Variants in SLC17A9 observed in about 807,000 individuals in gnomAD.
SLC17A9 encodes the protein voltage-gated purine nucleotide uniporter SLC17A9.
In SLC17A9, 49 loss-of-function variants were observed where a neutral mutation model predicts 55.0. The ratio of observed to expected loss-of-function variants is 0.89; its 90% CI spans 0.71 to 1.13. SLC17A9 has a LOEUF of 1.13. Ranked by LOEUF, SLC17A9 falls within the 50% of genes most tolerant of loss-of-function variation. The pLI is 0.00. For synonymous variants in SLC17A9, 256 were observed against 247.4 expected, an observed-to-expected ratio of 1.03 and a Z score of -0.32; for missense variants, 526 against 569.3, an observed-to-expected ratio of 0.92 and a Z score of 0.77.
In SLC17A9 at chr20:62,957,729, C is replaced by G. The variant is rs1277858276; in HGVS notation, c.397+149C>G. ...GGGCATGCCCGCGTGCATGCGTGCA[C>G]CTGTGTGTGTGTGCGTGTGTAAGTG... On this transcript the variant is annotated intron_variant, in intron 3 of 12. Coordinates refer to ENST00000370351, the MANE Select transcript of SLC17A9 (RefSeq NM_022082.4). 1.5e-5 allele frequency: 9 copies of G among 618,176 alleles called. No homozygotes were observed. In the African/African-American group the frequency reaches 1.7e-4, roughly 12 times the overall value. 38.3% of individuals were successfully genotyped at this position (618,176 alleles called of 1,614,324 possible). A position where few individuals can be genotyped will look rare whatever the true frequency, so the allele number is the denominator to read the frequency against.
At chr20:62,956,408 C>T (rs1038290727) in intron 1 of SLC17A9, among the ~76,000 whole-genome samples, 6 of 152,074 alleles carry the variant, frequency 3.9e-5, no homozygotes, top group Admixed American at 2.0e-4. Context: ...CTCCAGTGTC[C>T]GACTCCTCTG....
At chr20:62,966,941 C>T in intron 12 of SLC17A9, 1 of 621,140 alleles carries the variant, frequency 1.6e-6, no homozygotes, top group Non-Finnish European at 2.7e-6. Context: ...CATGAGTCGC[C>T]ATCTGCCCTG....
rs201581977 is a variant in SLC17A9 at position 62,965,203 on chromosome 20, C to T, written c.945+37C>T. 1.7e-4 allele frequency: 279 copies of T among 1,613,746 alleles called. No individual in the cohort carries two copies. The Middle Eastern group carries it at 3.1e-3, about 18-fold the overall frequency. On this transcript the variant is annotated intron_variant, in intron 9 of 12. Coordinates refer to ENST00000370351, the MANE Select transcript of SLC17A9 (RefSeq NM_022082.4). ...ATTCCGGTCGTTCTCTCTGGATATC[C>T]CTGCTTTGTTCAGGGTCTCCCAGGA...
rs1475498622 is a variant in SLC17A9 at position 62,966,571 on chromosome 20, T to G, written c.1108T>G (p.Phe370Val). Residue 370 changes from phenylalanine to valine, a missense_variant, in exon 11 of 13, where the codon TTT becomes GTT. Transcript: ENST00000370351. The part of the protein sequence containing the change: ...IQDLAPSCAG[F>V]LFGVANTAGA... Reference sequence around the variant, plus strand: ...GGACTTGGCCCCGTCCTGCGCCGGCTTTCTGTTTGGTGAGGACCTTGCCTT... The same window carrying G: ...GGACTTGGCCCCGTCCTGCGCCGGCGTTCTGTTTGGTGAGGACCTTGCCTT... The G allele has an allele frequency of 1.9e-6, 3 of 1,594,792 alleles. No homozygotes were observed. The highest frequency in any genetic ancestry group is 4.6e-5 in the East Asian group (2 of 43,734).
At chr20:62,965,082 G>A (rs763851636) in intron 8 of SLC17A9, 50 bp from the exon 9 acceptor site, 2 of 1,612,148 alleles carry the variant, frequency 1.2e-6, no homozygotes, top group South Asian at 2.2e-5. Context: ...CCTCTGGGGT[G>A]TCAGCACGAA....
chr20:62,965,436 C>G (rs530822650), intron 9 of SLC17A9, among the ~76,000 whole-genome samples, 174 bp from the exon 10 acceptor site: 4 of 152,212 alleles, frequency 2.6e-5, no homozygotes, highest in Non-Finnish European at 2.9e-5. Flanking sequence ...CTGATTCTTG[C>G]GGAGACTCCT....
chr20:62,964,048 T>G, intron 7 of SLC17A9, 180 bp from the exon 8 acceptor site: 2 of 681,720 alleles, frequency 2.9e-6, no homozygotes, highest in Admixed American at 2.4e-5. Context: ...TCTCTGAGGC[T>G]GTCTTGCTGC....
Position 62,965,124 on chromosome 20 carries a change from C to G in SLC17A9, c.911-8C>G. Reference sequence around the variant, plus strand: ...AACGGGAGCCCCTTCCTTGGCCTCCCCCTGTAGGTTACAGAGCCATCACGG... The same window carrying G: ...AACGGGAGCCCCTTCCTTGGCCTCCGCCTGTAGGTTACAGAGCCATCACGG... On this transcript the variant is annotated splice_polypyrimidine_tract_variant and splice_region_variant and intron_variant, in intron 8 of 12. Coordinates refer to ENST00000370351, the MANE Select transcript of SLC17A9 (RefSeq NM_022082.4). 1.2e-6 allele frequency: 2 copies of G among 1,614,086 alleles called. No individual in the cohort carries two copies. Among genetic ancestry groups the G allele is most frequent in the Non-Finnish European group, 1.7e-6 (2 of 1,180,024 alleles).
chr20:62,965,869 A>G, intron 10 of SLC17A9, 144 bp downstream of exon 10: 1 of 723,504 alleles, frequency 1.4e-6, no homozygotes, highest in Non-Finnish European at 2.3e-6. Context: ...CAGTGACTGC[A>G]CTGAAGACCC....
rs117781762 is a variant in SLC17A9, at chr20:62,961,493, G to A, written c.497+890G>A. 1.4e-3 allele frequency among the ~76,000 whole-genome samples: 214 copies of A among 152,306 alleles called. 6 individuals are homozygous for A. In the East Asian group the frequency reaches 0.037, roughly 26 times the overall value. ...ATGCTGGCGGCCTGGATCGAGGCCA[G>A]GCCAGGGGTGGGAGGCCTTCCCGGT... On this transcript the variant is annotated intron_variant, in intron 4 of 12. Coordinates refer to ENST00000370351, the MANE Select transcript of SLC17A9 (RefSeq NM_022082.4).
In SLC17A9 at chr20:62,967,663, GT is replaced by G; in HGVS notation, c.*164del. On this transcript the variant is annotated 3_prime_UTR_variant, in exon 13 of 13. Transcript: ENST00000370351. Reference sequence around the variant, plus strand: ...CCTTAAGAAGAGTCCACAACAGCTGGTGGGAGGGTGGGGTGGGCCTGGGTCC... The same window carrying G: ...CCTTAAGAAGAGTCCACAACAGCTGGGGGAGGGTGGGGTGGGCCTGGGTCC... The G allele has an allele frequency of 5.6e-6, 3 of 535,888 alleles. No individual in the cohort carries two copies. The highest frequency in any genetic ancestry group is 3.1e-5 in the South Asian group (1 of 31,886). The allele number at this position is 535,888 out of a possible 1,614,324, so 33.2% of individuals were successfully genotyped here.
rs538404544 is a variant in SLC17A9 at position 62,964,021 on chromosome 20, C to G, written c.823-207C>G. The G allele has an allele frequency of 4.5e-4, 281 of 625,068 alleles. 1 individual carries two copies. Among genetic ancestry groups the G allele is most frequent in the Middle Eastern group, 1.7e-3 (4 of 2,290 alleles). The allele number at this position is 625,068 out of a possible 1,614,324, so 38.7% of individuals were successfully genotyped here. A position where few individuals can be genotyped will look rare whatever the true frequency, so the allele number is the denominator to read the frequency against. ...GGGATGTGGACAGAGGGGTCACCTG[C>G]GGTCAGCACGGTTCCTTCTCTGAGG... On this transcript the variant is annotated intron_variant, in intron 7 of 12. Coordinates refer to ENST00000370351, the MANE Select transcript of SLC17A9 (RefSeq NM_022082.4).
chr20:62,961,917 T>C (rs1029412811), intron 4 of SLC17A9, among the ~76,000 whole-genome samples: 1 of 152,116 alleles, frequency 6.6e-6, no homozygotes, highest in Non-Finnish European at 1.5e-5. Context: ...AGGAGCTGTG[T>C]CCACCCCGCA....
chr20:62,957,602 C>G (rs766446378), intron 3 of SLC17A9, 22 bp downstream of exon 3: 1 of 1,508,960 alleles, frequency 6.6e-7, no homozygotes. Context: ...TCAGGCGGCT[C>G]CCTCACGCTC....
chr20:62,956,706 A>G, intron 1 of SLC17A9, 59 bp from the exon 2 acceptor site: 1 of 1,501,026 alleles, frequency 6.7e-7, no homozygotes. Context: ...CTGAGTGATG[A>G]ACTCGAAGCA....
intron 4 of SLC17A9, 49 bp downstream of exon 4, chr20:62,960,652 C>A: frequency 6.5e-7 from 1 of 1,549,044 alleles, no homozygotes; most frequent in South Asian, 1.2e-5. Context: ...CAGGTGAGCC[C>A]CTTGCCGAGT....
intron 1 of SLC17A9, among the ~76,000 whole-genome samples, chr20:62,955,242 G>A (rs1568910181): frequency 2.6e-5 from 4 of 151,798 alleles, no homozygotes; most frequent in Non-Finnish European, 5.9e-5. Flanking sequence ...CTGCCTCCCA[G>A]GTTCAAGCGA....
intron 12 of SLC17A9, chr20:62,966,936 G>T: frequency 1.6e-6 from 1 of 626,962 alleles, no homozygotes; most frequent in Non-Finnish European, 2.7e-6. Flanking sequence ...TGGCTCATGA[G>T]TCGCCATCTG....
Position 62,952,786 on chromosome 20 carries a change from C to G in SLC17A9, c.-45C>G. On this transcript the variant is annotated 5_prime_UTR_variant, in exon 1 of 13. Transcript: ENST00000370351. ...GGGTCAGCCTGGGCTGGGAGGCAGC[C>G]CCGGGACACAGCTGTGCCCACGCCG... 2.6e-6 allele frequency: 4 copies of G among 1,529,164 alleles called. No homozygotes were observed. The highest frequency in any genetic ancestry group is 3.5e-6 in the Non-Finnish European group (4 of 1,142,264). 94.7% of individuals were successfully genotyped at this position (1,529,164 alleles called of 1,614,324 possible).
Sources: allele counts gnomAD v4.1 joint callset (sites outside exome capture counted in the v4.1 genomes callset), GRCh38; gene constraint gnomAD v4.1.1; transcripts MANE v1.5; gene names NCBI Gene and HGNC (gene_info 2026-07-23, HGNC 2026-07-21).